Variants in THBS4 observed in about 807,000 individuals in gnomAD.
The protein encoded by THBS4 is thrombospondin-4.
THBS4 carries 90 observed loss-of-function variants against 115.7 expected under a neutral mutation model. The observed-to-expected ratio is 0.78, with a 90% confidence interval of 0.66 to 0.93. The LOEUF is 0.93. Among genes scored for constraint, THBS4 ranks in the 40% least tolerant of loss-of-function variants. THBS4 has a pLI of 0.00. For synonymous variants in THBS4, 460 were observed against 479.3 expected, an observed-to-expected ratio of 0.96 and a Z score of 0.53; for missense variants, 1,087 against 1,232.7, an observed-to-expected ratio of 0.88 and a Z score of 1.77.
intron 3 of THBS4, 60 bp from the exon 4 acceptor site, chr5:80,058,146 C>A (rs1833491892): frequency 1.5e-6 from 2 of 1,320,228 alleles, no homozygotes; most frequent in East Asian, 2.5e-5. Flanking sequence ...CGTGAGTAGG[C>A]AAGCACATTG....
rs532701748 is a variant in THBS4, at chr5:80,079,774, A to G, written c.2512-131A>G. 7 of 926,286 alleles carry G rather than the reference A, an allele frequency of 7.6e-6. No homozygotes were observed. The Admixed American group carries it at 1.3e-4, about 17-fold the overall frequency. 57.4% of individuals were successfully genotyped at this position (926,286 alleles called of 1,614,324 possible). A position where few individuals can be genotyped will look rare whatever the true frequency, so the allele number is the denominator to read the frequency against. ...CCATAGAAATGACATTTAAGTGTTT[A>G]TGCTTTGTTCTGAATCCAAGGCAGC... On this transcript the variant is annotated intron_variant, in intron 19 of 21. Coordinates refer to ENST00000350881, the MANE Select transcript of THBS4 (RefSeq NM_003248.6).
chr5:80,040,030 C>T, intron 1 of THBS4, 47 bp from the exon 2 acceptor site: 1 of 1,577,378 alleles, frequency 6.3e-7, no homozygotes, highest in East Asian at 2.2e-5. Context: ...CTGTTTTCCC[C>T]AAAATTGAAT....
chr5:79,999,212 AC>A (rs1831852769), intron 2 of THBS4, among the ~76,000 whole-genome samples: 2 of 152,372 alleles, frequency 1.3e-5, no homozygotes, highest in Non-Finnish European at 2.9e-5. Flanking sequence ...CAGCCATATT[AC>A]TAAAATTAAG....
At chr5:80,070,029 G>T (rs1833975625) in intron 10 of THBS4, among the ~76,000 whole-genome samples, 1 of 152,108 alleles carries the variant, frequency 6.6e-6, no homozygotes, top group African/African-American at 2.4e-5. Flanking sequence ...TGACCTTCTG[G>T]GTCCCCTCCT....
intron 8 of THBS4, among the ~76,000 whole-genome samples, chr5:80,064,445 T>G (rs1488536714): frequency 6.6e-6 from 1 of 152,108 alleles, no homozygotes; most frequent in Non-Finnish European, 1.5e-5. Flanking sequence ...ATAAAGAAAC[T>G]CCCATGAGGA....
chr5:80,073,378 G>T (rs756104101), intron 15 of THBS4, 51 bp downstream of exon 15: 1 of 1,567,658 alleles, frequency 6.4e-7, no homozygotes, highest in South Asian at 1.1e-5. Context: ...ATCCGGAGAG[G>T]GTTTTTGGTT....
rs562791488 is a variant in THBS4, at chr5:80,072,982, G to A, written c.1840-293G>A. ...GCCTATGGCTGGCTCCCTGTGACCC[G>A]TGCCAGAGTTCCATGCCTCCACCTG... On this transcript the variant is annotated intron_variant, in intron 14 of 21. Coordinates refer to ENST00000350881, the MANE Select transcript of THBS4 (RefSeq NM_003248.6). 6.6e-5 allele frequency among the ~76,000 whole-genome samples: 10 copies of A among 152,302 alleles called. No homozygotes were observed. The East Asian group carries it at 1.2e-3, about 18-fold the overall frequency.
At chr5:80,071,400 T>C (rs926219180) in intron 13 of THBS4, among the ~76,000 whole-genome samples, 4 of 152,156 alleles carry the variant, frequency 2.6e-5, no homozygotes, top group African/African-American at 9.7e-5. Context: ...CAGGACTCTG[T>C]ATCATTGCCA....
chr5:80,029,995 T>G (rs1043841343), intron 2 of THBS4, among the ~76,000 whole-genome samples: 1 of 152,070 alleles, frequency 6.6e-6, no homozygotes, highest in Admixed American at 6.6e-5. Context: ...AATTCTACTT[T>G]GAATTGCACA....
chr5:80,063,445 C>T (rs575367527), intron 8 of THBS4, among the ~76,000 whole-genome samples: 4 of 152,250 alleles, frequency 2.6e-5, no homozygotes, highest in South Asian at 4.1e-4. Context: ...AGCCCTTTGT[C>T]AGATGGATAG....
rs557748319 is a variant in THBS4 at position 80,074,938 on chromosome 5, TGTCCCAGGGTATTG to T, written c.1892+1620_1892+1633del. On this transcript the variant is annotated intron_variant, in intron 15 of 21. Transcript: ENST00000350881. The stretch of plus-strand genomic sequence containing the variant: ...CAAAGTACATATAGTCATCCCTCAG[TGTCCCAGGGTATTG>T]GTCCCAGGATACCCCTCTGCCCCCA... Among the ~76,000 whole-genome samples, 256 of 152,222 alleles carry T rather than the reference TGTCCCAGGGTATTG, an allele frequency of 1.7e-3. 1 individual carries two copies. The highest frequency in any genetic ancestry group is 5.9e-3 in the African/African-American group (246 of 41,520).
chr5:80,067,622 C>T (rs1372446638), intron 9 of THBS4: 1 of 172,354 alleles, frequency 5.8e-6, no homozygotes, highest in Non-Finnish European at 1.2e-5. Flanking sequence ...TCCCTGTCCC[C>T]AGAGTAAACT....
At chr5:80,064,729 C>T (rs1271804909) in intron 8 of THBS4, among the ~76,000 whole-genome samples, 2 of 152,016 alleles carry the variant, frequency 1.3e-5, no homozygotes, top group Non-Finnish European at 2.9e-5. Flanking sequence ...AAGACCCTGT[C>T]TCAACAACAA....
At chr5:80,007,766 C>T (rs1017600135) in intron 2 of THBS4, among the ~76,000 whole-genome samples, 3 of 152,214 alleles carry the variant, frequency 2.0e-5, no homozygotes, top group Non-Finnish European at 4.4e-5. Flanking sequence ...GCCCTGGGCT[C>T]GTGCACATAA....
At chr5:80,039,102 A>G (rs1353239744) in intron 1 of THBS4, among the ~76,000 whole-genome samples, 1 of 152,158 alleles carries the variant, frequency 6.6e-6, no homozygotes, top group Non-Finnish European at 1.5e-5. Flanking sequence ...GATGCTTATC[A>G]TTTTATTGAT....
At chr5:80,080,577 A>ATATTTTTTTTTTTTTTTT (rs1743442985) in intron 20 of THBS4, among the ~76,000 whole-genome samples, 1 of 66,826 alleles carries the variant, frequency 1.5e-5, no homozygotes, top group Non-Finnish European at 3.0e-5. Context: ...CAGCGCTTGT[A>ATATTTTTTTTTTTTTTTT]TCTTTTTTTT....
intron 15 of THBS4, 119 bp from the exon 16 acceptor site, chr5:80,076,736 A>AT (rs767966363): frequency 1.0e-5 from 11 of 1,092,272 alleles, no homozygotes; most frequent in Non-Finnish European, 1.4e-5. Context: ...AGTGGGTTTG[A>AT]TTTTAAGAGC....
intron 2 of THBS4, among the ~76,000 whole-genome samples, chr5:80,015,337 G>T (rs867516917): frequency 6.6e-6 from 1 of 152,168 alleles, no homozygotes; most frequent in Non-Finnish European, 1.5e-5. Flanking sequence ...ATCAGGTTCT[G>T]CCAAGGTGAG....
chr5:80,036,093 C>A, intron 1 of THBS4: 1 of 987,122 alleles, frequency 1.0e-6, no homozygotes, highest in South Asian at 4.7e-5. Flanking sequence ...ACTTGCCCTG[C>A]CACCTGCATT....
Sources: gnomAD v4.1 joint callset for allele counts (sites outside exome capture counted in the v4.1 genomes callset) on GRCh38, gnomAD v4.1.1 for gene constraint, MANE v1.5 for transcripts, NCBI Gene and HGNC (gene_info 2026-07-23, HGNC 2026-07-21) for gene names.